The following ZNF821 variants were observed in gnomAD, a reference collection of about 807,000 sequenced individuals.
ZNF821 encodes zinc finger protein 821.
ZNF821 carries 16 observed loss-of-function variants against 44.3 expected under a neutral mutation model. The observed-to-expected ratio is 0.36, with a 90% CI of 0.24 to 0.55. The LOEUF is 0.55. Ranked by LOEUF, ZNF821 falls within the 20% of genes least tolerant of loss-of-function variation. The probability of loss-of-function intolerance (pLI) is 0.86; values close to 1 mark genes in which losing one functional copy is unlikely to be tolerated. For missense variants in ZNF821, 436 were observed against 547.6 expected, an observed-to-expected ratio of 0.80 and a Z score of 2.03; for synonymous variants, 204 against 197.6, an observed-to-expected ratio of 1.03 and a Z score of -0.27.
intron 4 of ZNF821, among the ~76,000 whole-genome samples, chr16:71,865,337 T>C (rs1412358978): frequency 6.6e-6 from 1 of 152,162 alleles, no homozygotes; most frequent in African/African-American, 2.4e-5. Flanking sequence ...GGTTTTCAAA[T>C]ATCTCACACT....
chr16:71,888,349 C>A (rs1346988715), upstream of ZNF821, among the ~76,000 whole-genome samples: 2 of 152,120 alleles, frequency 1.3e-5, no homozygotes, highest in Non-Finnish European at 2.9e-5. Context: ...GAAACTATCA[C>A]CGCCTAGTCA....
chr16:71,892,419 A>G (rs2036892104), intron 1 of ZNF821, among the ~76,000 whole-genome samples: 1 of 149,214 alleles, frequency 6.7e-6, no homozygotes, highest in African/African-American at 2.5e-5. Flanking sequence ...GGCGCCCGCC[A>G]CCAAGCCCGG....
intron 3 of ZNF821, among the ~76,000 whole-genome samples, chr16:71,870,302 C>G (rs142781143): frequency 3.1e-4 from 47 of 151,698 alleles, no homozygotes; most frequent in African/African-American, 1.1e-3. Context: ...GAAAAATAAG[C>G]TGTTTTAAGT....
intron 1 of ZNF821, chr16:71,891,497 G>C (rs895412455): frequency 6.6e-6 from 1 of 152,194 alleles, no homozygotes; most frequent in Non-Finnish European, 1.5e-5. Flanking sequence ...AGACAGGTAG[G>C]TTTTGTTAAA....
intron 1 of ZNF821, among the ~76,000 whole-genome samples, chr16:71,892,079 G>A (rs1366795543): frequency 5.0e-5 from 7 of 140,748 alleles, no homozygotes; most frequent in Non-Finnish European, 1.1e-4. Context: ...TTGTAAGGCT[G>A]CGACAGGAGA....
intron 2 of ZNF821, 47 bp downstream of exon 2, chr16:71,883,164 A>G (rs1567446167): frequency 2.2e-6 from 1 of 456,524 alleles, no homozygotes; most frequent in Non-Finnish European, 4.4e-6. Flanking sequence ...TGGCAAGAAA[A>G]AAAACGAGTG....
At chr16:71,873,070 C>A (rs547812517) in intron 3 of ZNF821, among the ~76,000 whole-genome samples, 1 of 152,272 alleles carries the variant, frequency 6.6e-6, no homozygotes, top group Admixed American at 6.5e-5. Context: ...GCCTGTAATC[C>A]CAGTACTTTG....
At chr16:71,888,097 G>C (rs1161387203), upstream of ZNF821, among the ~76,000 whole-genome samples, 2 of 151,818 alleles carry the variant, frequency 1.3e-5, no homozygotes, top group Non-Finnish European at 2.9e-5. Context: ...GGCTGGTCTG[G>C]AACACCTAGG....
At chr16:71,868,527 C>A (rs1345339645) in intron 3 of ZNF821, among the ~76,000 whole-genome samples, 1 of 152,182 alleles carries the variant, frequency 6.6e-6, no homozygotes, top group Non-Finnish European at 1.5e-5. Context: ...ATCTCTCTAA[C>A]CCCATCTTTC....
At chr16:71,861,989 C>T in intron 6 of ZNF821, 47 bp from the exon 7 acceptor site, 2 of 1,594,466 alleles carry the variant, frequency 1.3e-6, no homozygotes, top group Non-Finnish European at 1.7e-6. Context: ...ACCTCCAGGA[C>T]AATCTGCACC....
chr16:71,883,444 C>T (rs1012646221), intron 1 of ZNF821, 171 bp from the exon 2 acceptor site: 1 of 337,850 alleles, frequency 3.0e-6, no homozygotes, highest in Non-Finnish European at 5.9e-6. Flanking sequence ...CTGACAAGAG[C>T]CGGAGGTCTT....
chr16:71,892,951 G>T (rs1389530400), intron 1 of ZNF821, among the ~76,000 whole-genome samples: 1 of 144,082 alleles, frequency 6.9e-6, no homozygotes, highest in South Asian at 2.2e-4. Flanking sequence ...GGTCGGTTTC[G>T]AACTCCTAAC....
At chr16:71,872,138 G>A (rs1239702093) in intron 3 of ZNF821, among the ~76,000 whole-genome samples, 2 of 151,972 alleles carry the variant, frequency 1.3e-5, no homozygotes, top group Admixed American at 6.6e-5. Context: ...GCCTGGTTAA[G>A]GTTTTTCAGA....
intron 3 of ZNF821, among the ~76,000 whole-genome samples, chr16:71,875,521 T>G (rs1406284347): frequency 2.0e-5 from 3 of 151,516 alleles, no homozygotes; most frequent in Non-Finnish European, 4.4e-5. Flanking sequence ...TGGTGCGATC[T>G]CGGCTCACTG....
At chr16:71,891,464 T>C (rs187953713) in intron 1 of ZNF821, 1 of 152,232 alleles carries the variant, frequency 6.6e-6, no homozygotes, top group Non-Finnish European at 1.5e-5. Flanking sequence ...CAATTCACAG[T>C]TGATATATTA....
chr16:71,863,877 TGG>T, intron 6 of ZNF821, among the ~76,000 whole-genome samples: 1 of 152,222 alleles, frequency 6.6e-6, no homozygotes, highest in Non-Finnish European at 1.5e-5. Flanking sequence ...TTTGTATTTT[TGG>T]TAGAGACAGG....
intron 3 of ZNF821, among the ~76,000 whole-genome samples, chr16:71,870,153 T>C (rs1250243717): frequency 6.6e-6 from 1 of 152,194 alleles, no homozygotes; most frequent in African/African-American, 2.4e-5. Flanking sequence ...AGACAAATGA[T>C]GGTTCTGATA....
At chr16:71,884,741 T>C (rs1236843087), upstream of ZNF821, 1 of 152,216 alleles carries the variant, frequency 6.6e-6, no homozygotes, top group Non-Finnish European at 1.5e-5. Context: ...TATTTAATTT[T>C]CTGACATGAT....
intron 6 of ZNF821, among the ~76,000 whole-genome samples, chr16:71,863,088 G>A (rs1172513228): frequency 6.6e-6 from 1 of 151,904 alleles, no homozygotes; most frequent in Non-Finnish European, 1.5e-5. Context: ...TAGAGACAGG[G>A]TTTCACCATG....
Sources: gnomAD v4.1 joint callset for allele counts (sites outside exome capture counted in the v4.1 genomes callset) on GRCh38, gnomAD v4.1.1 for gene constraint, MANE v1.5 for transcripts, NCBI Gene and HGNC (gene_info 2026-07-23, HGNC 2026-07-21) for gene names.